Variants in ANXA4 observed in about 807,000 individuals in gnomAD.
ANXA4 encodes the protein annexin A4, also known as 35-beta calcimedin.
Under a neutral mutation model 49.8 loss-of-function variants are expected in ANXA4, and 39 were observed. That is an observed-to-expected ratio of 0.78 (90% CI 0.61 to 1.02). ANXA4 has a LOEUF of 1.02. Among genes scored for constraint, ANXA4 ranks in the 50% least tolerant of loss-of-function variants. ANXA4 has a pLI of 0.00. For synonymous variants in ANXA4, 134 were observed against 152.5 expected (o/e 0.88, Z 0.89); for missense variants, 360 against 410.1 (o/e 0.88, Z 1.05).
intron 2 of ANXA4, among the ~76,000 whole-genome samples, chr2:69,694,405 G>A (rs1472174004): frequency 3.3e-5 from 5 of 150,516 alleles, no homozygotes; most frequent in Admixed American, 6.6e-5. Context: ...TAGGGTACAT[G>A]TGCACATCGT....
intron 2 of ANXA4, among the ~76,000 whole-genome samples, chr2:69,677,184 A>T (rs1331249331): frequency 6.6e-6 from 1 of 152,118 alleles, no homozygotes; most frequent in Non-Finnish European, 1.5e-5. Context: ...TTCTTTGCTT[A>T]ATATTATATT....
chr2:69,720,045 A>G (rs909017544), intron 2 of ANXA4, among the ~76,000 whole-genome samples: 1 of 152,134 alleles, frequency 6.6e-6, no homozygotes, highest in Non-Finnish European at 1.5e-5. Flanking sequence ...CATTAGTGCT[A>G]CTGTTCTGCT....
At position 69,804,604 on chromosome 2, in the gene ANXA4, G is replaced by T. The variant is rs774546218; in HGVS notation, c.169G>T (p.Ala57Ser). 3 of 1,613,444 alleles carry T rather than the reference G, an allele frequency of 1.9e-6. No homozygotes were observed. The highest frequency in any genetic ancestry group is 3.3e-5 in the Admixed American group (2 of 59,928). ...CGCCCAGCGCCAGGAGATCAGGACA[G>T]CCTACAAGAGCACCATCGGCAGGGT... Reference protein sequence around the residue: ...NTAQRQEIRTAYKSTIGRDLI... With the variant: ...NTAQRQEIRTSYKSTIGRDLI... Residue 57 changes from alanine to serine, a missense_variant, in exon 4 of 13, where the codon GCC becomes TCC. Ala to Ser is a moderately conservative substitution (Grantham distance 99). Coordinates refer to ENST00000394295, the MANE Select transcript of ANXA4 (RefSeq NM_001153.5).
At chr2:69,786,615 A>G (rs925221325) in intron 2 of ANXA4, among the ~76,000 whole-genome samples, 1 of 152,196 alleles carries the variant, frequency 6.6e-6, no homozygotes, top group African/African-American at 2.4e-5. Flanking sequence ...ATTTATTTAA[A>G]TATTTTTATT....
At chr2:69,722,922 C>T (rs1669851380) in intron 3 of ANXA4, among the ~76,000 whole-genome samples, 1 of 151,448 alleles carries the variant, frequency 6.6e-6, no homozygotes, top group African/African-American at 2.4e-5. Context: ...CCTGTAATCC[C>T]AGCACTTTGG....
At chr2:69,646,690 C>G (rs1039302395) in intron 1 of ANXA4, among the ~76,000 whole-genome samples, 1 of 152,112 alleles carries the variant, frequency 6.6e-6, no homozygotes, top group Non-Finnish European at 1.5e-5. Flanking sequence ...TTAAGTCACA[C>G]ATCCCTACAC....
chr2:69,778,722 C>T (rs906195214), intron 1 of ANXA4, among the ~76,000 whole-genome samples: 8 of 143,024 alleles, frequency 5.6e-5, no homozygotes. Context: ...TTGCAGTGAG[C>T]CAAGATCGTG....
chr2:69,719,260 C>CTTTTTT (rs1192269262), intron 2 of ANXA4, among the ~76,000 whole-genome samples: 2 of 66,546 alleles, frequency 3.0e-5, no homozygotes, highest in African/African-American at 8.4e-5. Flanking sequence ...ATTTTCCAGT[C>CTTTTTT]TTTTTTTTTT....
At chr2:69,752,243 G>T (rs1037748006) in intron 1 of ANXA4, among the ~76,000 whole-genome samples, 1 of 152,198 alleles carries the variant, frequency 6.6e-6, no homozygotes, top group African/African-American at 2.4e-5. Flanking sequence ...CATTCTGTAG[G>T]TGTATGGGAG....
In ANXA4 at chr2:69,804,540, T is replaced by C. The variant is rs1412198945; in HGVS notation, c.105T>C (p.Asp35=). The C allele has an allele frequency of 3.7e-6, 6 of 1,613,560 alleles. No homozygotes were observed. The highest frequency in any genetic ancestry group is 5.1e-6 in the Non-Finnish European group (6 of 1,179,716). The change falls in exon 4 of 13, where the codon GAT becomes GAC. Residue 35 remains aspartate (D), a synonymous_variant. Coordinates refer to ENST00000394295, the MANE Select transcript of ANXA4 (RefSeq NM_001153.5). ...LRKAMKGLGT[D]EDAIISVLAY... is the part of the protein sequence containing the mutation. ...TCTCCCTTCTTCCCCCAGGCACCGA[T>C]GAAGACGCCATTATTAGCGTCCTTG...
chr2:69,670,438 C>CA (rs748196181), intron 2 of ANXA4, among the ~76,000 whole-genome samples: 2,240 of 44,290 alleles, frequency 0.051, 56 homozygotes, highest in African/African-American at 0.078. Flanking sequence ...GACTCAATCT[C>CA]AAAAAAAAAA....
intron 1 of ANXA4, among the ~76,000 whole-genome samples, chr2:69,757,051 C>T (rs1182049403): frequency 6.7e-6 from 1 of 149,108 alleles, no homozygotes; most frequent in Non-Finnish European, 1.5e-5. Context: ...CTCAGCTTTC[C>T]GACTAGCTGA....
At chr2:69,731,543 G>A (rs1670095487) in intron 3 of ANXA4, among the ~76,000 whole-genome samples, 1 of 152,194 alleles carries the variant, frequency 6.6e-6, no homozygotes, top group Non-Finnish European at 1.5e-5. Context: ...AGACCATGTT[G>A]ACCCCTATGA....
intron 2 of ANXA4, among the ~76,000 whole-genome samples, chr2:69,782,493 A>G (rs1485491589): frequency 1.3e-5 from 2 of 152,062 alleles, no homozygotes; most frequent in Non-Finnish European, 2.9e-5. Flanking sequence ...CTCCCTGGCC[A>G]TGGAGAATTT....
At chr2:69,749,020 T>A (rs62133982) in intron 1 of ANXA4, among the ~76,000 whole-genome samples, 4,313 of 152,214 alleles carry the variant, frequency 0.028, 107 homozygotes, top group Middle Eastern at 0.048. Context: ...GCCTACACCC[T>A]ACTTTTTAGA....
At chr2:69,789,997 G>A (rs1672610447) in intron 3 of ANXA4, among the ~76,000 whole-genome samples, 1 of 152,128 alleles carries the variant, frequency 6.6e-6, no homozygotes. Context: ...GTGAAGTTTG[G>A]TGATTACCCA....
intron 2 of ANXA4, among the ~76,000 whole-genome samples, chr2:69,678,976 T>C (rs1375464867): frequency 6.6e-6 from 1 of 152,182 alleles, no homozygotes; most frequent in Non-Finnish European, 1.5e-5. Flanking sequence ...ACCATCCTTA[T>C]TGTTTTACAT....
chr2:69,779,386 G>A (rs532823027), intron 1 of ANXA4, among the ~76,000 whole-genome samples: 138 of 152,222 alleles, frequency 9.1e-4, no homozygotes, highest in South Asian at 1.7e-3. Flanking sequence ...GCCTGGAGAG[G>A]TGCTGTGAGA....
chr2:69,820,833 C>A lies in ANXA4; in HGVS notation c.906+12C>A. ...ACTCGTTCATCAAGGTAGGTCACAG[C>A]AGCCTAAGTCCAGAGTAAAGGATCC... On this transcript the variant is annotated intron_variant, in intron 12 of 12. Transcript: ENST00000394295. The A allele has an allele frequency of 6.2e-7, 1 of 1,613,176 alleles. No homozygotes were observed. Among genetic ancestry groups the A allele is most frequent in the Non-Finnish European group, 8.5e-7 (1 of 1,179,488 alleles).
Sources: gnomAD v4.1 joint callset for allele counts (sites outside exome capture counted in the v4.1 genomes callset) on GRCh38, gnomAD v4.1.1 for gene constraint, MANE v1.5 for transcripts, NCBI Gene and HGNC (gene_info 2026-07-23, HGNC 2026-07-21) for gene names.